The following NEBL variants were observed in gnomAD, a reference collection of about 807,000 sequenced individuals.
NEBL encodes LIM and SH3 protein 2.
In NEBL, 122 loss-of-function variants were observed where a neutral mutation model predicts 140.2. The ratio of observed to expected loss-of-function variants is 0.87; its 90% CI spans 0.75 to 1.01. NEBL has a LOEUF of 1.01. NEBL is among the 50% of genes least tolerant of loss of function. The pLI, the probability that NEBL is intolerant of heterozygous loss-of-function variation, is 0.00. For synonymous variants in NEBL, 436 were observed against 398.9 expected (o/e 1.09, Z -1.11); for missense variants, 1,365 against 1,231.3 (o/e 1.11, Z -1.62).
chr10:21,211,749 G>A (rs1841918935), intron 3 of NEBL, among the ~76,000 whole-genome samples: 2 of 152,136 alleles, frequency 1.3e-5, no homozygotes, highest in African/African-American at 4.8e-5. Context: ...CAATGAAGTT[G>A]GCCATTGCCA....
chr10:21,018,356 C>T (rs1191072166), intron 3 of NEBL, among the ~76,000 whole-genome samples: 5 of 152,184 alleles, frequency 3.3e-5, no homozygotes, highest in African/African-American at 7.2e-5. Context: ...CCTAACTTGA[C>T]GAGAAGAAAG....
intron 2 of NEBL, among the ~76,000 whole-genome samples, chr10:21,033,132 C>A (rs143874524): frequency 6.6e-6 from 1 of 152,162 alleles, no homozygotes; most frequent in East Asian, 1.9e-4. Flanking sequence ...TGTGTGACAT[C>A]GAGCAGCCCT....
chr10:20,781,123 TCA>T lies in NEBL; in HGVS notation c.*4622_*4623del, dbSNP rs1330367584. The T allele has an allele frequency of 6.6e-6, 1 of 152,578 alleles. No individual in the cohort carries two copies. Among genetic ancestry groups the T allele is most frequent in the Non-Finnish European group, 1.5e-5 (1 of 68,032 alleles). The allele number at this position is 152,578 out of a possible 1,614,324, so 9.5% of individuals were successfully genotyped here. A position where few individuals can be genotyped will look rare whatever the true frequency, so the allele number is the denominator to read the frequency against. On this transcript the variant is annotated 3_prime_UTR_variant, in exon 28 of 28. Coordinates refer to ENST00000377122, the MANE Select transcript of NEBL (RefSeq NM_006393.3). ...CTCTAGTCCACCAAGGCTTAAAGAT[TCA>T]CAGTGTAGAGGAAAAAAATATGAAT...
chr10:20,909,033 G>A lies in NEBL; in HGVS notation c.357+52639C>T, dbSNP rs1848217828. 2.0e-5 allele frequency among the ~76,000 whole-genome samples: 3 copies of A among 151,694 alleles called. No homozygotes were observed. The South Asian group carries it at 6.2e-4, about 31-fold the overall frequency. ...TTTTTAATTTTTTGGGTACACAGTAGGTATATATATTTATGGGGTACATGA... is the reference window on the plus strand; with the variant it reads ...TTTTTAATTTTTTGGGTACACAGTAAGTATATATATTTATGGGGTACATGA... On this transcript the variant is annotated intron_variant, in intron 4 of 6. Transcript: ENST00000417816.
chr10:21,185,241 C>T (rs1430553611), intron 3 of NEBL, among the ~76,000 whole-genome samples: 10 of 152,178 alleles, frequency 6.6e-5, no homozygotes, highest in Admixed American at 6.5e-4. Flanking sequence ...ACCCAAGCTA[C>T]AGCCCTTGTT....
At chr10:21,208,496 C>G (rs533629572) in intron 3 of NEBL, among the ~76,000 whole-genome samples, 56 of 152,238 alleles carry the variant, frequency 3.7e-4, no homozygotes, top group African/African-American at 1.3e-3. Context: ...TTGTTTCTCT[C>G]CCTCCCTCCT....
chr10:21,173,635 C>A lies in NEBL; in HGVS notation c.69+130G>T. 1.4e-6 allele frequency: 2 copies of A among 1,480,752 alleles called. No homozygotes were observed. Among genetic ancestry groups the A allele is most frequent in the Non-Finnish European group, 9.2e-7 (1 of 1,081,898 alleles). The allele number at this position is 1,480,752 out of a possible 1,614,324, so 91.7% of individuals were successfully genotyped here. On this transcript the variant is annotated intron_variant, in intron 1 of 6. Transcript: ENST00000417816. The surrounding 1 kb of genome is among the most constrained non-coding windows in gnomAD (Gnocchi z 5.7). Reference sequence around the variant, plus strand: ...CTGGCGTCTTCGTTCGCGCGCCCTCCCCCCGTGCCAAGGCACACGCACACG... The same window carrying A: ...CTGGCGTCTTCGTTCGCGCGCCCTCACCCCGTGCCAAGGCACACGCACACG...
intron 1 of NEBL, among the ~76,000 whole-genome samples, chr10:21,260,624 G>C (rs1345788066): frequency 6.6e-6 from 1 of 152,086 alleles, no homozygotes; most frequent in Non-Finnish European, 1.5e-5. Context: ...CCCTTTCCAA[G>C]TATTCCGTTA....
In NEBL at chr10:21,238,600, C is replaced by T. The variant is rs927792062; in HGVS notation, n.348+9321G>A. Among the ~76,000 whole-genome samples, 14 of 150,618 alleles carry T rather than the reference C, an allele frequency of 9.3e-5. No homozygotes were observed. The East Asian group carries it at 9.8e-4, about 11-fold the overall frequency. The stretch of plus-strand genomic sequence containing the variant: ...TGGTGCATGCCTGTAATCCCAGCTA[C>T]TGGGGATGCTGAGGCAGGAGAATCA... On this transcript the variant is annotated intron_variant and non_coding_transcript_variant, in intron 3 of 8. Coordinates refer to the NEBL transcript ENST00000675702.
At chr10:20,950,014 C>G (rs1018703861) in intron 4 of NEBL, among the ~76,000 whole-genome samples, 7 of 152,180 alleles carry the variant, frequency 4.6e-5, no homozygotes, top group African/African-American at 1.7e-4. Flanking sequence ...TCCTTTCCCT[C>G]CTAAACCTGA....
At chr10:21,082,315 G>A (rs774569599) in intron 2 of NEBL, among the ~76,000 whole-genome samples, 1 of 152,076 alleles carries the variant, frequency 6.6e-6, no homozygotes, top group African/African-American at 2.4e-5. Flanking sequence ...GGGGTCTGAG[G>A]ATTAGATCAC....
At chr10:20,998,854 T>C (rs1380297630) in intron 3 of NEBL, among the ~76,000 whole-genome samples, 1 of 152,146 alleles carries the variant, frequency 6.6e-6, no homozygotes, top group African/African-American at 2.4e-5. Context: ...TGGACTAACT[T>C]CTGTCAGTCT....
rs11314209 is a variant in NEBL, at chr10:21,160,864, GAAAA to G, written c.164+11515_164+11518del. Among the ~76,000 whole-genome samples, 208 of 145,378 alleles carry G rather than the reference GAAAA, an allele frequency of 1.4e-3. 5 individuals are homozygous for G. In the East Asian group the frequency reaches 0.037, roughly 26 times the overall value. ...AAGCCATCAAACTTATTTCCAGGGGGAAAAAAAAAAAAAACATGATATGCAAGTA... is the reference window on the plus strand; with the variant it reads ...AAGCCATCAAACTTATTTCCAGGGGGAAAAAAAAAACATGATATGCAAGTA... On this transcript the variant is annotated intron_variant, in intron 2 of 6. Coordinates refer to the NEBL transcript ENST00000417816.
intron 2 of NEBL, among the ~76,000 whole-genome samples, chr10:21,085,787 T>C (rs1836597551): frequency 6.6e-6 from 1 of 152,174 alleles, no homozygotes. Flanking sequence ...TATGAAAATA[T>C]ATATAAATGT....
intron 3 of NEBL, among the ~76,000 whole-genome samples, chr10:21,215,984 T>G (rs1195972874): frequency 6.6e-6 from 1 of 152,184 alleles, no homozygotes; most frequent in East Asian, 1.9e-4. Context: ...CAAACTAGTT[T>G]CCAGCTCTAC....
At chr10:20,974,816 C>T (rs1300923030) in intron 3 of NEBL, among the ~76,000 whole-genome samples, 1 of 152,098 alleles carries the variant, frequency 6.6e-6, no homozygotes, top group Non-Finnish European at 1.5e-5. Flanking sequence ...GGTTAATTTG[C>T]TAGTCTGACT....
At chr10:20,792,107 G>A (rs1836046345) in intron 26 of NEBL, among the ~76,000 whole-genome samples, 1 of 142,280 alleles carries the variant, frequency 7.0e-6, no homozygotes, top group Non-Finnish European at 1.5e-5. Context: ...TACAGTCGAT[G>A]GCCAAATTCC....
At chr10:20,991,498 A>G (rs750833942) in intron 3 of NEBL, among the ~76,000 whole-genome samples, 62 of 152,192 alleles carry the variant, frequency 4.1e-4, no homozygotes, top group Admixed American at 1.8e-3. Flanking sequence ...GACTGTTTTA[A>G]AGAAAGTGCC....
At chr10:21,166,237 AAAAAAAAAGAAAAGAAAAAAAAAT>A (rs1052692700) in intron 2 of NEBL, among the ~76,000 whole-genome samples, 19 of 120,088 alleles carry the variant, frequency 1.6e-4, no homozygotes, top group Non-Finnish European at 2.2e-4. Context: ...AAAAAAAAAA[AAAAAAAAAGAAAAGAAAAAAAAAT>A]TTTCTACATC....
Sources: allele counts gnomAD v4.1 joint callset (sites outside exome capture counted in the v4.1 genomes callset), GRCh38; gene constraint gnomAD v4.1.1; non-coding constraint Gnocchi (gnomAD v3.1); transcripts MANE v1.5; gene names NCBI Gene and HGNC (gene_info 2026-07-23, HGNC 2026-07-21).